UNC79: variants seen among roughly 807,000 people sequenced by gnomAD.
The protein encoded by UNC79 is protein unc-79 homolog.
Under a neutral mutation model 283.1 loss-of-function variants are expected in UNC79, and 37 were observed. The ratio of observed to expected loss-of-function variants is 0.13; its 90% CI spans 0.10 to 0.17. The LOEUF is 0.17. Among genes scored for constraint, UNC79 ranks in the 10% least tolerant of loss-of-function variants. The probability of loss-of-function intolerance (pLI) is 1.00; values close to 1 mark genes in which losing one functional copy is unlikely to be tolerated. For synonymous variants in UNC79, 1,107 were observed against 1,200.2 expected, an observed-to-expected ratio of 0.92 and a Z score of 1.61; for missense variants, 2,272 against 3,211.1, an observed-to-expected ratio of 0.71 and a Z score of 7.07.
chr14:93,465,530 CTGCTT>C (rs1416333544), intron 1 of UNC79, among the ~76,000 whole-genome samples: 1 of 152,184 alleles, frequency 6.6e-6, no homozygotes, highest in East Asian at 1.9e-4. Context: ...ACTCTTGTCT[CTGCTT>C]TGCTGTGCAT....
chr14:93,476,799 G>A (rs947198426), intron 3 of UNC79, among the ~76,000 whole-genome samples: 7 of 152,242 alleles, frequency 4.6e-5, no homozygotes, highest in African/African-American at 1.7e-4. Context: ...TTATGGTTTT[G>A]TTGCATCTCC....
In UNC79 at chr14:93,365,289, G is replaced by A. The variant is rs557486316; in HGVS notation, c.-351+31766G>A. On this transcript the variant is annotated intron_variant, in intron 1 of 49. Coordinates refer to the UNC79 transcript ENST00000256339. ...TAATCCCAGCTACTTGAAGGCTGAG[G>A]CAGGAGAATCACTAGAACCTGGGAG... 2.0e-5 allele frequency among the ~76,000 whole-genome samples: 3 copies of A among 150,768 alleles called. No individual in the cohort carries two copies. In the Admixed American group the frequency reaches 2.0e-4, roughly 10 times the overall value.
intron 14 of UNC79, among the ~76,000 whole-genome samples, chr14:93,559,354 T>C (rs536199462): frequency 6.6e-6 from 1 of 152,216 alleles, no homozygotes; most frequent in Non-Finnish European, 1.5e-5. Flanking sequence ...AGTTAGGTTT[T>C]TAATCTTTTC....
chr14:93,423,658 C>T (rs1163093938), intron 1 of UNC79, among the ~76,000 whole-genome samples: 1 of 152,136 alleles, frequency 6.6e-6, no homozygotes, highest in East Asian at 1.9e-4. Flanking sequence ...ACTGGATGTC[C>T]ATATGTGAAA....
At chr14:93,643,671 G>A in exon 34 of UNC79, 1 of 1,612,900 alleles carries the variant, frequency 6.2e-7, no homozygotes, top group Non-Finnish European at 8.5e-7. Flanking sequence ...CCCCGCTGCT[G>A]CTGGATATCA....
In UNC79 at chr14:93,580,395, G is replaced by A. The variant is rs753240720; in HGVS notation, c.2661+19G>A. On this transcript the variant is annotated intron_variant, in intron 19 of 48. Coordinates refer to ENST00000555664, the Ensembl canonical transcript of UNC79. Reference sequence around the variant, plus strand: ...GCTGGTGGTAAGCAGTTGAAGAAACGAGATGACCCATGTATAATAGCATTA... The same window carrying A: ...GCTGGTGGTAAGCAGTTGAAGAAACAAGATGACCCATGTATAATAGCATTA... The A allele has an allele frequency of 3.7e-6, 6 of 1,609,618 alleles. No homozygotes were observed. The highest frequency in any genetic ancestry group is 1.3e-5 in the African/African-American group (1 of 74,772).
At chr14:93,343,184 G>A (rs547379945) in intron 1 of UNC79, among the ~76,000 whole-genome samples, 1 of 152,234 alleles carries the variant, frequency 6.6e-6, no homozygotes, top group East Asian at 1.9e-4. Context: ...ATATTAGTCT[G>A]TTTTTACACT....
At chr14:93,548,688 C>G (rs2061724507) in intron 14 of UNC79, among the ~76,000 whole-genome samples, 1 of 152,154 alleles carries the variant, frequency 6.6e-6, no homozygotes. Flanking sequence ...GGTTTTGGTC[C>G]TTTCCTCTTC....
At chr14:93,347,128 G>C in intron 1 of UNC79, 1 of 894,230 alleles carries the variant, frequency 1.1e-6, no homozygotes, top group Non-Finnish European at 1.6e-6. Flanking sequence ...AGAAGGGGTG[G>C]GGTAGGGGGC....
chr14:93,598,365 CGTGTGT>C (rs71301930), intron 24 of UNC79, among the ~76,000 whole-genome samples: 4,682 of 64,046 alleles, frequency 0.073, 114 homozygotes, highest in South Asian at 0.17. Context: ...TATTGCATAA[CGTGTGT>C]GTGTGTGTGT....
chr14:93,605,063 G>A, intron 26 of UNC79, 102 bp downstream of exon 27: 1 of 1,269,882 alleles, frequency 7.9e-7, no homozygotes, highest in Non-Finnish European at 1.0e-6. Flanking sequence ...ATATACCTAG[G>A]ATTTGCAAGC....
upstream of UNC79, among the ~76,000 whole-genome samples, chr14:93,428,591 T>C (rs2055780996): frequency 6.6e-6 from 1 of 152,142 alleles, no homozygotes; most frequent in Admixed American, 6.5e-5. Context: ...AGTGCCTAGG[T>C]TGATGATTAG....
chr14:93,602,828 T>TG (rs1184251516), intron 25 of UNC79, among the ~76,000 whole-genome samples: 1 of 151,998 alleles, frequency 6.6e-6, no homozygotes, highest in Non-Finnish European at 1.5e-5. Context: ...TTTGTAGAGA[T>TG]GGGGGTCTTG....
intron 3 of UNC79, among the ~76,000 whole-genome samples, chr14:93,475,753 T>C (rs181202867): frequency 2.6e-5 from 4 of 152,298 alleles, no homozygotes; most frequent in Admixed American, 2.6e-4. Context: ...CTGCCCGTTA[T>C]CTTCAAAGCC....
chr14:93,671,185 G>A (rs758912528), intron 40 of UNC79, among the ~76,000 whole-genome samples: 2 of 152,018 alleles, frequency 1.3e-5, no homozygotes, highest in African/African-American at 2.4e-5. Context: ...TACAAGTTGT[G>A]GAAAGATATG....
exon 30 of UNC79, chr14:93,622,562 C>T: frequency 6.2e-7 from 1 of 1,614,034 alleles, no homozygotes; most frequent in Non-Finnish European, 8.5e-7. Flanking sequence ...GCCTGGGGAG[C>T]TGATGCCAAG....
chr14:93,369,341 G>A (rs1044130511), intron 1 of UNC79, among the ~76,000 whole-genome samples: 1 of 152,140 alleles, frequency 6.6e-6, no homozygotes, highest in Admixed American at 6.5e-5. Flanking sequence ...GTAGTATAGA[G>A]ACTTCCAGTT....
At chr14:93,497,335 C>T in intron 7 of UNC79, 49 bp downstream of exon 7, 3 of 1,584,534 alleles carry the variant, frequency 1.9e-6, no homozygotes, top group Non-Finnish European at 2.6e-6. Flanking sequence ...TCTCCTGTGC[C>T]ACACTGGCCT....
intron 1 of UNC79, among the ~76,000 whole-genome samples, chr14:93,336,961 G>C (rs1279132265): frequency 1.3e-5 from 2 of 151,860 alleles, no homozygotes; most frequent in Non-Finnish European, 2.9e-5. Flanking sequence ...CCTTGTGATG[G>C]TGGTGGGAGG....
Sources: allele counts gnomAD v4.1 joint callset (sites outside exome capture counted in the v4.1 genomes callset), GRCh38; gene constraint gnomAD v4.1.1; transcripts MANE v1.5; gene names NCBI Gene and HGNC (gene_info 2026-07-23, HGNC 2026-07-21).